Variants in MYO1H observed in about 807,000 individuals in gnomAD.
MYO1H encodes the protein myosin IH.
A neutral mutation model predicts 149.3 loss-of-function variants in MYO1H; 118 were observed. The observed-to-expected ratio is 0.79, with a 90% CI of 0.68 to 0.92. The LOEUF is 0.92. Among genes scored for constraint, MYO1H ranks in the 40% least tolerant of loss-of-function variants. MYO1H has a pLI of 0.00. For synonymous variants in MYO1H, 447 were observed against 465.2 expected (o/e 0.96, Z 0.50); for missense variants, 1,212 against 1,280.7 (o/e 0.95, Z 0.82).
At chr12:109,326,148 G>A in the MYO1H span, among the ~76,000 whole-genome samples, 5 of 152,146 alleles carry the variant, frequency 3.3e-5, no homozygotes, top group Non-Finnish European at 2.9e-5. Flanking sequence ...CAGACTTCTC[G>A]GGCACAACCT....
rs376112279 is a variant in MYO1H, at chr12:109,368,335, A to T, written c.13-20348A>T. Among the ~76,000 whole-genome samples the T allele has an allele frequency of 2.5e-4, 38 of 152,278 alleles. No homozygotes were observed. The South Asian group carries it at 3.9e-3, about 16-fold the overall frequency. On this transcript the variant is annotated intron_variant, in intron 1 of 31. Coordinates refer to ENST00000310903, the Ensembl canonical transcript of MYO1H. ...TTTGGCAGATAATTGAAGGTAATAA[A>T]CAATGGGACAACTTACAGTCATTAA... is the stretch of plus-strand genomic sequence containing the variant.
At chr12:109,340,490 CT>C in the MYO1H span, among the ~76,000 whole-genome samples, 1 of 152,258 alleles carries the variant, frequency 6.6e-6, no homozygotes, top group African/African-American at 2.4e-5. Context: ...TAACACCCCC[CT>C]GTTCTCTACA....
intron 1 of MYO1H, among the ~76,000 whole-genome samples, chr12:109,382,675 G>A (rs1261642587): frequency 2.6e-5 from 4 of 151,784 alleles, no homozygotes; most frequent in Non-Finnish European, 4.4e-5. Flanking sequence ...TACATAAAGC[G>A]ATATAATGTT....
chr12:109,363,478 C>T (rs1269577595), intron 1 of MYO1H, among the ~76,000 whole-genome samples: 2 of 151,924 alleles, frequency 1.3e-5, no homozygotes, highest in Non-Finnish European at 2.9e-5. Context: ...TTTGGGAGGC[C>T]GAGACGAGTG....
chr12:109,376,219 T>A (rs1869085246), intron 1 of MYO1H, among the ~76,000 whole-genome samples: 1 of 152,194 alleles, frequency 6.6e-6, no homozygotes, highest in Non-Finnish European at 1.5e-5. Context: ...TTTCAACACC[T>A]TGAAAAGAAA....
intron 2 of MYO1H, among the ~76,000 whole-genome samples, chr12:109,391,087 A>G (rs1869632491): frequency 6.6e-6 from 1 of 152,126 alleles, no homozygotes; most frequent in African/African-American, 2.4e-5. Context: ...TGTATCTTCA[A>G]CTTTTAACTT....
At chr12:109,362,486 G>A (rs1290197045) in intron 1 of MYO1H, among the ~76,000 whole-genome samples, 2 of 152,174 alleles carry the variant, frequency 1.3e-5, no homozygotes, top group African/African-American at 4.8e-5. Context: ...CAAGAGAAAA[G>A]TATATACATT....
intron 22 of MYO1H, among the ~76,000 whole-genome samples, chr12:109,438,086 T>TG (rs796923507): frequency 2.1e-5 from 2 of 96,918 alleles, no homozygotes; most frequent in African/African-American, 9.1e-5. Flanking sequence ...AGGCTCTGTC[T>TG]AAAAAAAAAA....
chr12:109,354,956 C>T (rs145398922), intron 1 of MYO1H, among the ~76,000 whole-genome samples: 200 of 152,240 alleles, frequency 1.3e-3, no homozygotes, highest in African/African-American at 4.6e-3. Flanking sequence ...TCCTCCTTGG[C>T]AAGGTTAGTA....
At chr12:109,347,451 T>A (rs1868361886), upstream of MYO1H, among the ~76,000 whole-genome samples, 1 of 152,164 alleles carries the variant, frequency 6.6e-6, no homozygotes, top group African/African-American at 2.4e-5. Flanking sequence ...TTATGAAACC[T>A]TGAAGTTACC....
At chr12:109,384,198 C>G (rs568119714) in intron 1 of MYO1H, among the ~76,000 whole-genome samples, 74 of 152,240 alleles carry the variant, frequency 4.9e-4, no homozygotes, top group African/African-American at 1.7e-3. Flanking sequence ...TAACCCAGTC[C>G]CCATCACCTG....
exon 4 of MYO1H, chr12:109,396,484 T>C: frequency 6.2e-7 from 1 of 1,613,972 alleles, no homozygotes; most frequent in Non-Finnish European, 8.5e-7. Flanking sequence ...AACAGAGGCC[T>C]CCAAGAAAAT....
chr12:109,400,769 A>G (rs1008662568), intron 5 of MYO1H, among the ~76,000 whole-genome samples: 1 of 152,202 alleles, frequency 6.6e-6, no homozygotes, highest in Non-Finnish European at 1.5e-5. Context: ...GATCAACTGG[A>G]TATCAACATG....
At chr12:109,340,632 AAATT>A in the MYO1H span, among the ~76,000 whole-genome samples, 1 of 152,258 alleles carries the variant, frequency 6.6e-6, no homozygotes, top group East Asian at 1.9e-4. Flanking sequence ...AACAAATTCA[AAATT>A]AAATATTGCA....
chr12:109,393,885 G>A (rs1279967991), intron 3 of MYO1H, among the ~76,000 whole-genome samples: 1 of 152,124 alleles, frequency 6.6e-6, no homozygotes, highest in Non-Finnish European at 1.5e-5. Context: ...TTTAAGTGTG[G>A]CTGGAGAGAT....
At chr12:109,326,946 T>C in the MYO1H span, among the ~76,000 whole-genome samples, 1 of 152,050 alleles carries the variant, frequency 6.6e-6, no homozygotes, top group Non-Finnish European at 1.5e-5. Context: ...ACTCTATGAA[T>C]AAGATACCTT....
intron 19 of MYO1H, 57 bp from the exon 20 acceptor site, chr12:109,432,840 G>C: frequency 6.8e-7 from 1 of 1,465,458 alleles, no homozygotes; most frequent in Admixed American, 1.7e-5. Context: ...CGGGGATGTG[G>C]GGGAGGGCTA....
chr12:109,407,791 C>T lies in MYO1H; in HGVS notation c.1036-3C>T. ...TAATGATGCACCTTGTCATTCTTTT[C>T]AGGTGATCTGCCCGTTGACACTAGA... is the stretch of plus-strand genomic sequence containing the variant. On this transcript the variant is annotated splice_polypyrimidine_tract_variant and splice_region_variant and intron_variant, in intron 9 of 31. Transcript: ENST00000310903. The T allele has an allele frequency of 6.2e-7, 1 of 1,613,354 alleles. No homozygotes were observed. Among genetic ancestry groups the T allele is most frequent in the Non-Finnish European group, 8.5e-7 (1 of 1,179,574 alleles).
rs749350955 is a variant in MYO1H at position 109,407,933 on chromosome 12, A to G, written c.1155+20A>G. The G allele has an allele frequency of 6.2e-7, 1 of 1,612,536 alleles. No individual in the cohort carries two copies. Among genetic ancestry groups the G allele is most frequent in the Admixed American group, 1.7e-5 (1 of 59,710 alleles). ...AACAAGGTTGGTCAACGCATTTTGG[A>G]TCCCTTGCTCTTGCTCACGTGGTGA... On this transcript the variant is annotated intron_variant, in intron 10 of 31. Coordinates refer to ENST00000310903, the Ensembl canonical transcript of MYO1H.
Sources: allele counts gnomAD v4.1 joint callset (sites outside exome capture counted in the v4.1 genomes callset), GRCh38; gene constraint gnomAD v4.1.1; transcripts MANE v1.5; gene names NCBI Gene and HGNC (gene_info 2026-07-23, HGNC 2026-07-21).